MAST2: variants seen among roughly 807,000 people sequenced by gnomAD.
The protein encoded by MAST2 is microtubule associated serine/threonine kinase 2.
In MAST2, 70 loss-of-function variants were observed where a neutral mutation model predicts 147.4. The ratio of observed to expected loss-of-function variants is 0.47; its 90% CI spans 0.39 to 0.58. The LOEUF (loss-of-function observed/expected upper bound fraction) is 0.58. MAST2 is among the 20% of genes least tolerant of loss of function. The pLI, the probability that MAST2 is intolerant of heterozygous loss-of-function variation, is 0.00. For missense variants in MAST2, 2,080 were observed against 2,302.3 expected (o/e 0.90, Z 1.98); for synonymous variants, 869 against 896.8 (o/e 0.97, Z 0.55).
chr1:46,000,869 G>A, intron 6 of MAST2: 1 of 921,900 alleles, frequency 1.1e-6, no homozygotes, highest in Non-Finnish European at 1.5e-6. Flanking sequence ...CAGAAGGAAT[G>A]TGCCAAGCTA....
At chr1:45,931,379 T>TTTG (rs1227527228) in intron 4 of MAST2, among the ~76,000 whole-genome samples, 1 of 144,970 alleles carries the variant, frequency 6.9e-6, no homozygotes, top group Non-Finnish European at 1.5e-5. Flanking sequence ...TGTGTTCTGT[T>TTTG]TTTTTTTTTT....
chr1:45,949,828 TTAATGATAGATGGGATAAAGAAA>T (rs1658664974), intron 4 of MAST2, among the ~76,000 whole-genome samples: 1 of 152,184 alleles, frequency 6.6e-6, no homozygotes, highest in Non-Finnish European at 1.5e-5. Context: ...TAAATGCCCA[TTAATGATAGATGGGATAAAGAAA>T]ATGTGGTACA....
intron 4 of MAST2, among the ~76,000 whole-genome samples, chr1:45,937,751 C>CAAAAA (rs34830747): frequency 3.6e-4 from 26 of 73,214 alleles, no homozygotes; most frequent in African/African-American, 1.1e-3. Flanking sequence ...AACTCCATCT[C>CAAAAA]AAAAAAAAAA....
At position 45,883,912 on chromosome 1, in the gene MAST2, G is replaced by GCCCAC. The variant is rs1553221921; in HGVS notation, c.500+1520_500+1521insACCCC. On this transcript the variant is annotated intron_variant, in intron 4 of 28. Transcript: ENST00000361297. ...ACTTGGTCATTTTTCTACTATTTCT[G>GCCCAC]CCCCCCCCGCTTTTTTTTGGTTGCT... 8.0e-4 allele frequency among the ~76,000 whole-genome samples: 2 copies of GCCCAC among 2,488 alleles called. 1 individual carries two copies. The highest frequency in any genetic ancestry group is 2.0e-3 in the Non-Finnish European group (2 of 1,004). 1.6% of individuals were successfully genotyped at this position (2,488 alleles called of 152,430 possible).
At chr1:45,839,768 T>C (rs1275818770) in intron 3 of MAST2, among the ~76,000 whole-genome samples, 1 of 152,216 alleles carries the variant, frequency 6.6e-6, no homozygotes, top group Non-Finnish European at 1.5e-5. Context: ...AAACTTATTT[T>C]ATGACTTTGT....
intron 3 of MAST2, among the ~76,000 whole-genome samples, chr1:45,856,289 G>A (rs1270453276): frequency 3.3e-5 from 5 of 152,076 alleles, no homozygotes; most frequent in South Asian, 2.1e-4. Context: ...GCAATATCCC[G>A]TATCTAAAAA....
intron 4 of MAST2, among the ~76,000 whole-genome samples, chr1:45,925,105 T>G (rs1019111138): frequency 2.0e-5 from 3 of 152,208 alleles, no homozygotes; most frequent in African/African-American, 7.2e-5. Flanking sequence ...CATCATAGTG[T>G]AGTGAGGACT....
chr1:45,836,021 G>A (rs1490645219), intron 3 of MAST2, among the ~76,000 whole-genome samples: 11 of 152,060 alleles, frequency 7.2e-5, no homozygotes, highest in Non-Finnish European at 1.6e-4. Flanking sequence ...AGACATTTGA[G>A]TTGTTTCCAC....
intron 4 of MAST2, among the ~76,000 whole-genome samples, chr1:45,941,670 ATTTGTTT>A (rs964576274): frequency 4.0e-5 from 6 of 150,528 alleles, no homozygotes; most frequent in East Asian, 2.0e-4. Flanking sequence ...GTTTATTCCT[ATTTGTTT>A]TTTGTTTTTT....
At position 46,032,306 on chromosome 1, in the gene MAST2, A is replaced by G. The variant is rs1464957881; in HGVS notation, c.3316A>G (p.Ile1106Val). The part of the protein sequence containing the change: ...PALGSMRPPI[I>V]IHRAGKKYGF... ...CCTTGGCAGCATGAGGCCTCCCATC[A>G]TCATCCACCGAGCTGGCAAGAAGTA... Residue 1106 changes from isoleucine (I) to valine (V), a missense_variant, in exon 25 of 29, where the codon ATC becomes GTC. By Grantham distance (29) the Ile-to-Val change is conservative (BLOSUM62 3). Around this residue, in one of 4 missense-constraint regions of MAST2, gnomAD observed 1,278 missense variants for 1,304.2 expected, o/e 0.98. Coordinates refer to ENST00000361297, the MANE Select transcript of MAST2 (RefSeq NM_015112.3). 1.9e-6 allele frequency: 3 copies of G among 1,614,022 alleles called. No homozygotes were observed. The highest frequency in any genetic ancestry group is 2.7e-5 in the African/African-American group (2 of 74,916).
At chr1:46,029,604 A>G in intron 19 of MAST2, 37 bp downstream of exon 19, 1 of 1,589,700 alleles carries the variant, frequency 6.3e-7, no homozygotes. Flanking sequence ...CACTACTTGG[A>G]AAAGGGGTAA....
intron 3 of MAST2, among the ~76,000 whole-genome samples, chr1:45,830,294 C>T (rs1273576219): frequency 6.7e-6 from 1 of 150,052 alleles, no homozygotes; most frequent in African/African-American, 2.5e-5. Flanking sequence ...CCTGCCTCAG[C>T]CTCCCAAGTA....
intron 3 of MAST2, among the ~76,000 whole-genome samples, chr1:45,862,452 T>G (rs1356773297): frequency 1.3e-5 from 2 of 151,756 alleles, no homozygotes; most frequent in African/African-American, 4.8e-5. Flanking sequence ...GGGGAGACGT[T>G]TTTTACTTAA....
chr1:46,023,483 T>G lies in MAST2; in HGVS notation c.1571+165T>G. 1.5e-6 allele frequency: 1 copy of G among 659,100 alleles called. No individual in the cohort carries two copies. Among genetic ancestry groups the G allele is most frequent in the Middle Eastern group, 4.2e-4 (1 of 2,382 alleles). The allele number at this position is 659,100 out of a possible 1,614,324, so 40.8% of individuals were successfully genotyped here. A position where few individuals can be genotyped will look rare whatever the true frequency, so the allele number is the denominator to read the frequency against. ...GGCAGGAGTTCAGATTCCTCTGACATCCGATCATTGTTCCTTTCCCAGACA... is the reference window on the plus strand; with the variant it reads ...GGCAGGAGTTCAGATTCCTCTGACAGCCGATCATTGTTCCTTTCCCAGACA... On this transcript the variant is annotated intron_variant, in intron 14 of 28. Coordinates refer to ENST00000361297, the MANE Select transcript of MAST2 (RefSeq NM_015112.3). This position sits in a 1 kb window ranked among gnomAD's most constrained non-coding sequence, Gnocchi z 4.9.
intron 4 of MAST2, among the ~76,000 whole-genome samples, chr1:45,933,918 T>TTC (rs1553236876): frequency 1.3e-5 from 2 of 151,368 alleles, no homozygotes; most frequent in Admixed American, 1.3e-4. Context: ...TTTTTTTTTT[T>TTC]CCCCAACTTT....
intron 4 of MAST2, among the ~76,000 whole-genome samples, chr1:45,931,860 T>A (rs568296754): frequency 1.6e-4 from 24 of 152,248 alleles, no homozygotes; most frequent in South Asian, 4.2e-4. Context: ...GGCTAAGTTT[T>A]AAAAAATTTT....
chr1:45,987,501 G>A (rs1202938021), intron 5 of MAST2, among the ~76,000 whole-genome samples: 2 of 151,982 alleles, frequency 1.3e-5, no homozygotes, highest in Admixed American at 1.3e-4. Flanking sequence ...TTGTAGAGAT[G>A]GGGTCTCATC....
intron 5 of MAST2, among the ~76,000 whole-genome samples, chr1:45,976,133 C>T (rs1428088131): frequency 2.6e-5 from 4 of 152,054 alleles, no homozygotes; most frequent in Non-Finnish European, 5.9e-5. Context: ...CACCACCACA[C>T]CCAGCAAATT....
rs377629213 is a variant in MAST2 at position 45,833,578 on chromosome 1, AT to A, written c.468+4000del. Among the ~76,000 whole-genome samples the A allele has an allele frequency of 2.0e-4, 31 of 152,258 alleles. No homozygotes were observed. In the East Asian group the frequency reaches 5.8e-3, roughly 28 times the overall value. On this transcript the variant is annotated intron_variant, in intron 3 of 28. Transcript: ENST00000361297. The stretch of plus-strand genomic sequence containing the variant: ...AGTTGCTGAGTCATATGATAACTGT[AT>A]TTAATCATTTGAAGAACTTTGATTT...
Sources: allele counts gnomAD v4.1 joint callset (sites outside exome capture counted in the v4.1 genomes callset), GRCh38; gene constraint gnomAD v4.1.1; regional missense constraint gnomAD v4.1.1; non-coding constraint Gnocchi (gnomAD v3.1); transcripts MANE v1.5; gene names NCBI Gene and HGNC (gene_info 2026-07-23, HGNC 2026-07-21).